Variants in CLHC1 observed in about 807,000 individuals in gnomAD.
The protein encoded by CLHC1 is clathrin heavy chain linker domain containing 1, also known as clathrin heavy chain linker domain-containing protein 1.
Under a neutral mutation model 69.5 loss-of-function variants are expected in CLHC1, and 72 were observed. That is an observed-to-expected ratio of 1.04 (90% CI 0.86 to 1.26). The LOEUF (loss-of-function observed/expected upper bound fraction) is 1.26. Among genes scored for constraint, CLHC1 ranks in the 50% most tolerant of loss-of-function variants. CLHC1 has a pLI of 0.00. For missense variants in CLHC1, 790 were observed against 679.3 expected (o/e 1.16, Z -1.81); for synonymous variants, 223 against 224.3 (o/e 0.99, Z 0.05).
intron 11 of CLHC1, among the ~76,000 whole-genome samples, chr2:55,179,429 G>A (rs1041446096): frequency 1.3e-5 from 2 of 152,078 alleles, no homozygotes; most frequent in Admixed American, 6.5e-5. Context: ...TATAGGGCAT[G>A]CTGTTATTAA....
At chr2:55,183,849 C>T (rs1398391197) in intron 9 of CLHC1, among the ~76,000 whole-genome samples, 7 of 152,110 alleles carry the variant, frequency 4.6e-5, no homozygotes, top group Admixed American at 1.3e-4. Context: ...GGTGCGATCT[C>T]GGCTCACTGC....
At chr2:55,226,869 G>C (rs1674758508) in intron 2 of CLHC1, among the ~76,000 whole-genome samples, 1 of 152,256 alleles carries the variant, frequency 6.6e-6, no homozygotes, top group Non-Finnish European at 1.5e-5. Flanking sequence ...CTGGCCTCAA[G>C]TGATCAGCCT....
rs769164922 is a variant in CLHC1, at chr2:55,212,759, T to A, written c.413A>T (p.Asp138Val). Residue 138 changes from aspartate to valine, a missense_variant, in exon 5 of 13, where the codon GAT becomes GTT. Transcript: ENST00000401408. ...SNSSKIQSQIDHIKQCRAEYD... is the reference protein window; with the variant it reads ...SNSSKIQSQIVHIKQCRAEYD... The stretch of plus-strand genomic sequence containing the variant: ...CTCTGCCCTACACTGCTTGATGTGA[T>A]CTATTTGAGATTGAATCTTCGAGGA... 2 of 1,600,526 alleles carry A rather than the reference T, an allele frequency of 1.2e-6. No homozygotes were observed. Among genetic ancestry groups the A allele is most frequent in the Non-Finnish European group, 1.7e-6 (2 of 1,167,680 alleles).
At chr2:55,227,604 G>A (rs1376597061) in intron 2 of CLHC1, among the ~76,000 whole-genome samples, 2 of 151,232 alleles carry the variant, frequency 1.3e-5, no homozygotes, top group Non-Finnish European at 2.9e-5. Context: ...CTTGAACCCA[G>A]GAGGTGGAGG....
At chr2:55,182,072 T>A (rs1014615806) in intron 9 of CLHC1, among the ~76,000 whole-genome samples, 1 of 152,032 alleles carries the variant, frequency 6.6e-6, no homozygotes, top group Non-Finnish European at 1.5e-5. Context: ...CTTGACACCA[T>A]GATTTCAGAG....
At chr2:55,204,812 A>G (rs1338416112) in intron 9 of CLHC1, among the ~76,000 whole-genome samples, 1 of 152,194 alleles carries the variant, frequency 6.6e-6, no homozygotes, top group Non-Finnish European at 1.5e-5. Context: ...TCATTATGTT[A>G]GGTGAAATAA....
intron 9 of CLHC1, among the ~76,000 whole-genome samples, chr2:55,194,221 T>C (rs1671188726): frequency 6.6e-6 from 1 of 152,164 alleles, no homozygotes. Context: ...AACTCTGTAT[T>C]ACAGTAAAAT....
Position 55,204,238 on chromosome 2 carries a change from C to A in CLHC1, c.1006+2032G>T, listed in dbSNP as rs566570803. ...GGCGGAGGTTGTGGTGAGCCGAGAT[C>A]ACGCCATTGCATTCCAGCCTGGGCA... On this transcript the variant is annotated intron_variant, in intron 9 of 12. Transcript: ENST00000401408. Among the ~76,000 whole-genome samples the A allele has an allele frequency of 1.4e-4, 21 of 152,238 alleles. No homozygotes were observed. The Middle Eastern group carries it at 0.01, about 74-fold the overall frequency.
chr2:55,172,805 A>G lies in CLHC1; in HGVS notation c.*2985T>C, dbSNP rs1669068589. 6.6e-6 allele frequency among the ~76,000 whole-genome samples: 1 copy of G among 152,024 alleles called. No homozygotes were observed. Among genetic ancestry groups the G allele is most frequent in the Non-Finnish European group, 1.5e-5 (1 of 67,992 alleles). On this transcript the variant is annotated 3_prime_UTR_variant, in exon 13 of 13. Coordinates refer to ENST00000401408, the MANE Select transcript of CLHC1 (RefSeq NM_152385.4). ...AAAAAGTAACAGGTTTTCACCTTTTAAAGTTAAAAAAGTGATTAATTTAAT... is the reference window on the plus strand; with the variant it reads ...AAAAAGTAACAGGTTTTCACCTTTTGAAGTTAAAAAAGTGATTAATTTAAT...
chr2:55,202,255 G>GAA lies in CLHC1; in HGVS notation c.1006+4013_1006+4014dup, dbSNP rs35517817. Among the ~76,000 whole-genome samples, 650 of 138,760 alleles carry GAA rather than the reference G, an allele frequency of 4.7e-3. 5 individuals carry two copies. The East Asian group carries it at 0.054, about 12-fold the overall frequency. 91.0% of individuals were successfully genotyped at this position (138,760 alleles called of 152,430 possible). A position where few individuals can be genotyped will look rare whatever the true frequency, so the allele number is the denominator to read the frequency against. ...TTTCTGATGATGTAATCTTATATTT[G>GAA]AAAAAAAAAAAAAAACCTAGCTGGG... On this transcript the variant is annotated intron_variant, in intron 9 of 12. Transcript: ENST00000401408.
At chr2:55,197,767 T>C (rs1461543560) in intron 9 of CLHC1, among the ~76,000 whole-genome samples, 2 of 152,066 alleles carry the variant, frequency 1.3e-5, no homozygotes, top group Non-Finnish European at 2.9e-5. Context: ...CTACAATAAA[T>C]ACCCAGTTCT....
chr2:55,184,109 T>TC lies in CLHC1; in HGVS notation c.1007-2366_1007-2365insG, dbSNP rs1171770087. On this transcript the variant is annotated intron_variant, in intron 9 of 12. Coordinates refer to ENST00000401408, the MANE Select transcript of CLHC1 (RefSeq NM_152385.4). ...TCTCTCTTTTCTTTCTTTCTTTATT[T>TC]TTTTTTTTTTTTTCGAGACAGGGTC... Among the ~76,000 whole-genome samples the TC allele has an allele frequency of 1.2e-4, 18 of 146,832 alleles. 1 individual carries two copies. The highest frequency in any genetic ancestry group is 9.9e-4 in the East Asian group (5 of 5,036).
intron 2 of CLHC1, among the ~76,000 whole-genome samples, chr2:55,223,160 A>G (rs1284502729): frequency 2.0e-5 from 3 of 152,104 alleles, no homozygotes; most frequent in Non-Finnish European, 4.4e-5. Context: ...GCCTCTTGAC[A>G]CAAACAAGGT....
In CLHC1 at chr2:55,172,599, C is replaced by T. The variant is rs1489392898; in HGVS notation, c.*3191G>A. On this transcript the variant is annotated 3_prime_UTR_variant, in exon 13 of 13. Coordinates refer to ENST00000401408, the MANE Select transcript of CLHC1 (RefSeq NM_152385.4). ...TCAAGAACACAACAAATTATAACTA[C>T]TAGCAAACTGACAGCTTTATACACC... is the stretch of plus-strand genomic sequence containing the variant. Among the ~76,000 whole-genome samples, 1 of 151,064 alleles carries T rather than the reference C, an allele frequency of 6.6e-6. No individual in the cohort carries two copies. Among genetic ancestry groups the T allele is most frequent in the African/African-American group, 2.4e-5 (1 of 41,118 alleles).
chr2:55,216,328 T>C (rs530785065), intron 4 of CLHC1, among the ~76,000 whole-genome samples: 1 of 151,928 alleles, frequency 6.6e-6, no homozygotes, highest in African/African-American at 2.4e-5. Context: ...AAAAATAATT[T>C]ATCCATCAGT....
At chr2:55,203,351 A>C (rs1435556083) in intron 9 of CLHC1, among the ~76,000 whole-genome samples, 3 of 152,200 alleles carry the variant, frequency 2.0e-5, no homozygotes, top group Non-Finnish European at 4.4e-5. Flanking sequence ...AGAATAGCCA[A>C]AAACCATCCT....
rs377731785 is a variant in CLHC1, at chr2:55,212,746, C to A, written c.426G>T (p.Gln142His). The change falls in exon 5 of 13, where the codon CAG (glutamine) becomes CAT (histidine). Residue 142 changes from glutamine to histidine, a missense_variant. Physicochemically the swap from Gln to His is conservative, Grantham distance 24. Coordinates refer to ENST00000401408, the MANE Select transcript of CLHC1 (RefSeq NM_152385.4). ...KIQSQIDHIK[Q>H]CRAEYDTKEV... Reference sequence around the variant, plus strand: ...CTTTTGTGTCATACTCTGCCCTACACTGCTTGATGTGATCTATTTGAGATT... The same window carrying A: ...CTTTTGTGTCATACTCTGCCCTACAATGCTTGATGTGATCTATTTGAGATT... 2 of 1,598,308 alleles carry A rather than the reference C, an allele frequency of 1.3e-6. No homozygotes were observed. The highest frequency in any genetic ancestry group is 2.7e-5 in the African/African-American group (2 of 74,556).
intron 9 of CLHC1, 27 bp from the exon 10 acceptor site, chr2:55,181,771 T>C (rs750083449): frequency 1.3e-6 from 2 of 1,575,792 alleles, no homozygotes; most frequent in East Asian, 4.5e-5. Context: ...ATTTTCTGAG[T>C]CAAATACTTT....
chr2:55,195,571 G>C (rs1303782422), intron 9 of CLHC1, among the ~76,000 whole-genome samples: 1 of 152,182 alleles, frequency 6.6e-6, no homozygotes, highest in Non-Finnish European at 1.5e-5. Context: ...GGAGGCCAAG[G>C]CAGGCAGATC....
Sources: allele counts gnomAD v4.1 joint callset (sites outside exome capture counted in the v4.1 genomes callset), GRCh38; gene constraint gnomAD v4.1.1; transcripts MANE v1.5; gene names NCBI Gene and HGNC (gene_info 2026-07-23, HGNC 2026-07-21).